DSC3: variants seen among roughly 807,000 people sequenced by gnomAD.
The protein encoded by DSC3 is desmocollin-3.
In DSC3, 97 loss-of-function variants were observed where a neutral mutation model predicts 89.5. The observed-to-expected ratio is 1.08, with a 90% CI of 0.92 to 1.28. DSC3 has a LOEUF of 1.28. DSC3 is among the 50% of genes most tolerant of loss of function. The pLI is 0.00. For missense variants in DSC3, 1,199 were observed against 1,085.3 expected (o/e 1.10, Z -1.47); for synonymous variants, 436 against 384.1 (o/e 1.14, Z -1.58).
chr18:31,020,737 A>T (rs1985390968), intron 7 of DSC3, among the ~76,000 whole-genome samples: 1 of 152,030 alleles, frequency 6.6e-6, no homozygotes, highest in Non-Finnish European at 1.5e-5. Flanking sequence ...TGAGTGCAGG[A>T]GTCGAGACCA....
At chr18:31,036,563 CT>C (rs951526739) in intron 1 of DSC3, among the ~76,000 whole-genome samples, 5 of 150,918 alleles carry the variant, frequency 3.3e-5, no homozygotes, top group South Asian at 2.1e-4. Flanking sequence ...ATTGCTCAAT[CT>C]TTTTTTTTAA....
intron 5 of DSC3, 55 bp downstream of exon 5, chr18:31,025,705 T>A: frequency 6.4e-7 from 1 of 1,553,694 alleles, no homozygotes; most frequent in Non-Finnish European, 8.9e-7. Flanking sequence ...GGAGTAAGCA[T>A]CAGAAGAAAC....
At chr18:31,008,589 A>T in intron 9 of DSC3, 64 bp from the exon 10 acceptor site, 1 of 1,590,402 alleles carries the variant, frequency 6.3e-7, no homozygotes, top group East Asian at 2.2e-5. Flanking sequence ...TCAAATGGCA[A>T]GTGAACATTT....
chr18:30,997,349 C>A lies in DSC3; in HGVS notation c.2236-301G>T, dbSNP rs35877601. Among the ~76,000 whole-genome samples, 18,708 of 152,076 alleles carry A rather than the reference C, an allele frequency of 0.12. 1,524 individuals are homozygous for A. The highest frequency in any genetic ancestry group is 0.22 in the African/African-American group (9,172 of 41,448). On this transcript the variant is annotated intron_variant, in intron 14 of 15. Transcript: ENST00000360428. ...CATTTGGCGAGGGCCCATCCCATGG[C>A]AGAAGGTGGAAGGGCAAAAGAGCAC...
intron 13 of DSC3, among the ~76,000 whole-genome samples, chr18:31,003,908 T>C (rs1984747349): frequency 6.6e-6 from 1 of 152,198 alleles, no homozygotes; most frequent in Admixed American, 6.5e-5. Flanking sequence ...TCAGATTCTG[T>C]GAAATCTAAG....
chr18:31,013,261 G>T (rs1985130606), intron 9 of DSC3, among the ~76,000 whole-genome samples: 1 of 152,080 alleles, frequency 6.6e-6, no homozygotes, highest in Non-Finnish European at 1.5e-5. Context: ...AATTGGAACA[G>T]ATACAAAAAC....
chr18:31,034,089 T>G (rs1985893551), intron 1 of DSC3, among the ~76,000 whole-genome samples: 1 of 152,148 alleles, frequency 6.6e-6, no homozygotes, highest in Non-Finnish European at 1.5e-5. Context: ...CCTCCCAAAG[T>G]GCTGGGATTA....
chr18:31,008,860 T>C (rs1364702683), intron 9 of DSC3, among the ~76,000 whole-genome samples: 1 of 152,158 alleles, frequency 6.6e-6, no homozygotes, highest in Non-Finnish European at 1.5e-5. Context: ...TGGAGCACTG[T>C]CTAACAGGCT....
In DSC3 at chr18:31,022,502, C is replaced by T; in HGVS notation, c.776G>A (p.Gly259Asp). ...GGCACAAACCACCCCCACTGTAGTA[C>T]CTACACATTAAAAAATAAAACAGCC... ...NFEVLESSRP[G>D]TTVGVVCATD... is the part of the protein sequence containing the mutation. Residue 259 changes from glycine (G) to aspartate (D), a missense_variant and splice_region_variant, in exon 7 of 16, where the codon GGT becomes GAT. By Grantham distance (94) the Gly-to-Asp change is moderately conservative. Coordinates refer to ENST00000360428, the MANE Select transcript of DSC3 (RefSeq NM_001941.5). 1 of 1,613,896 alleles carries T rather than the reference C, an allele frequency of 6.2e-7. No individual in the cohort carries two copies. Among genetic ancestry groups the T allele is most frequent in the South Asian group, 1.1e-5 (1 of 91,090 alleles).
chr18:31,000,314 C>T (rs1250572971), intron 14 of DSC3, among the ~76,000 whole-genome samples: 1 of 152,122 alleles, frequency 6.6e-6, no homozygotes, highest in Non-Finnish European at 1.5e-5. Flanking sequence ...ATTTCTTATT[C>T]ATCCCTATCT....
At chr18:31,022,832 G>A (rs1216664002) in intron 6 of DSC3, among the ~76,000 whole-genome samples, 1 of 152,144 alleles carries the variant, frequency 6.6e-6, no homozygotes, top group Non-Finnish European at 1.5e-5. Flanking sequence ...CTAGATGGAG[G>A]AATAAACCAT....
At position 31,018,567 on chromosome 18, in the gene DSC3, A is replaced by G; in HGVS notation, c.1077+99T>C. The G allele has an allele frequency of 6.1e-6, 8 of 1,309,282 alleles. No homozygotes were observed. In the South Asian group the frequency reaches 9.9e-5, roughly 16 times the overall value. The allele number at this position is 1,309,282 out of a possible 1,614,324, so 81.1% of individuals were successfully genotyped here. On this transcript the variant is annotated intron_variant, in intron 8 of 15. Transcript: ENST00000360428. ...TTTATTCATAAAATACGTATACGTC[A>G]AAGTATGATACTTCATGAAGTATTA...
intron 13 of DSC3, among the ~76,000 whole-genome samples, chr18:31,002,939 C>A (rs1984715851): frequency 6.6e-6 from 1 of 152,124 alleles, no homozygotes; most frequent in Admixed American, 6.6e-5. Context: ...CTCTTGCCTA[C>A]CCTACATGGC....
intron 1 of DSC3, among the ~76,000 whole-genome samples, chr18:31,036,452 A>G (rs1985970995): frequency 6.6e-6 from 1 of 151,904 alleles, no homozygotes. Context: ...TTATTATGAA[A>G]TCTTCTGATA....
intron 9 of DSC3, among the ~76,000 whole-genome samples, chr18:31,009,197 C>A (rs962353806): frequency 6.6e-6 from 1 of 152,002 alleles, no homozygotes; most frequent in African/African-American, 2.4e-5. Flanking sequence ...ACTACAGGCA[C>A]GTGCCACCAT....
rs1322524119 is a variant in DSC3, at chr18:31,022,230, C to T, written c.942+106G>A. ...GTTAGGAATTCTTATTGTCTTATGC[C>T]TAAAATAAAATTAAACTATTAATCC... On this transcript the variant is annotated intron_variant, in intron 7 of 15. Transcript: ENST00000360428. The T allele has an allele frequency of 3.9e-5, 54 of 1,375,668 alleles. No homozygotes were observed. In the East Asian group the frequency reaches 1.2e-3, roughly 30 times the overall value. 85.2% of individuals were successfully genotyped at this position (1,375,668 alleles called of 1,614,324 possible).
intron 1 of DSC3, among the ~76,000 whole-genome samples, chr18:31,036,744 A>G (rs1985981162): frequency 6.7e-6 from 1 of 149,614 alleles, no homozygotes; most frequent in Non-Finnish European, 1.5e-5. Context: ...ATCCATGAAC[A>G]TGATTCATTC....
In DSC3 at chr18:30,994,308, T is replaced by C; in HGVS notation, c.2558A>G (p.Asn853Ser). The C allele has an allele frequency of 2.5e-6, 4 of 1,614,102 alleles. 1 individual carries two copies. The African/African-American group carries it at 5.3e-5, about 22-fold the overall frequency. ...MPSQDYVLTY[N>S]YEGRGSPAGS... ...AGCTGGAGATCCTCTTCCCTCATAG[T>C]TATAAGTGAGGACATAATCTTGGGA... The change falls in exon 16 of 16, where the codon AAC (asparagine) becomes AGC (serine). Residue 853 changes from asparagine (N) to serine (S), a missense_variant. Coordinates refer to ENST00000360428, the MANE Select transcript of DSC3 (RefSeq NM_001941.5).
intron 1 of DSC3, among the ~76,000 whole-genome samples, chr18:31,038,934 T>C (rs1986052416): frequency 6.6e-6 from 1 of 152,082 alleles, no homozygotes; most frequent in African/African-American, 2.4e-5. Context: ...ATAGTATGTT[T>C]CTTGAAACTA....
Sources: allele counts gnomAD v4.1 joint callset (sites outside exome capture counted in the v4.1 genomes callset), GRCh38; gene constraint gnomAD v4.1.1; transcripts MANE v1.5; gene names NCBI Gene and HGNC (gene_info 2026-07-23, HGNC 2026-07-21).